Variants in PCDHGA8 observed in about 807,000 individuals in gnomAD.
The protein encoded by PCDHGA8 is protocadherin gamma subfamily A, 8.
In PCDHGA8, 45 loss-of-function variants were observed where a neutral mutation model predicts 59.2. The ratio of observed to expected loss-of-function variants is 0.76; its 90% CI spans 0.60 to 0.98. PCDHGA8 has a LOEUF of 0.98. PCDHGA8 is among the 50% of genes least tolerant of loss of function. PCDHGA8 has a pLI of 0.00. For missense variants in PCDHGA8, 1,257 were observed against 1,196.2 expected (o/e 1.05, Z -0.75); for synonymous variants, 531 against 519.0 (o/e 1.02, Z -0.32).
rs773474154 is a variant in PCDHGA8, at chr5:141,477,751, G to A, written c.2425-17056G>A. The A allele has an allele frequency of 5.0e-6, 8 of 1,613,712 alleles. No individual in the cohort carries two copies. The highest frequency in any genetic ancestry group is 6.8e-6 in the Non-Finnish European group (8 of 1,180,030). ...CTCATATCAGCGATGGGGGCACCCC[G>A]GTCCTAGCCACCAACATCAGCGTGA... On this transcript the variant is annotated intron_variant, in intron 1 of 3. Transcript: ENST00000398604. The surrounding 1 kb of genome is among the most constrained non-coding windows in gnomAD (Gnocchi z 4.9).
intron 1 of PCDHGA8, chr5:141,422,006 C>G: frequency 6.2e-7 from 1 of 1,609,754 alleles, no homozygotes; most frequent in Non-Finnish European, 8.5e-7. Flanking sequence ...AGCTCCGGAA[C>G]TCGGGTGCTG....
chr5:141,415,740 G>GTTTT lies in PCDHGA8; in HGVS notation c.2424+20532_2424+20535dup, dbSNP rs57426385. ...TGAGTAGAATTTGATGTTTATTAAG[G>GTTTT]TTTTTTTTTTTTTTTTTTTTTTTTT... On this transcript the variant is annotated intron_variant, in intron 1 of 3. Transcript: ENST00000398604. 3.9e-3 allele frequency: 2,454 copies of GTTTT among 623,032 alleles called. 15 individuals carry two copies. Among genetic ancestry groups the GTTTT allele is most frequent in the South Asian group, 7.6e-3 (262 of 34,698 alleles). 38.6% of individuals were successfully genotyped at this position (623,032 alleles called of 1,614,324 possible).
chr5:141,418,941 C>G, intron 1 of PCDHGA8: 1 of 1,614,034 alleles, frequency 6.2e-7, no homozygotes, highest in East Asian at 2.2e-5. Flanking sequence ...GAGGATTCCC[C>G]TCCAGGAGTG....
Position 141,476,500 on chromosome 5 carries a change from C to A in PCDHGA8, c.2425-18307C>A. The A allele has an allele frequency of 6.2e-7, 1 of 1,613,874 alleles. No homozygotes were observed. The highest frequency in any genetic ancestry group is 8.5e-7 in the Non-Finnish European group (1 of 1,179,950). ...GCGTGGAAGTGGTGATCCAGGACAT[C>A]AACGACAACAATCCTGCTTTCCCTA... On this transcript the variant is annotated intron_variant, in intron 1 of 3. Coordinates refer to ENST00000398604, the MANE Select transcript of PCDHGA8 (RefSeq NM_032088.2). The surrounding 1 kb of genome is among the most constrained non-coding windows in gnomAD (Gnocchi z 7.6).
Position 141,489,213 on chromosome 5 carries a change from T to G in PCDHGA8, c.2425-5594T>G, listed in dbSNP as rs372898969. 11 of 1,473,392 alleles carry G rather than the reference T, an allele frequency of 7.5e-6. No homozygotes were observed. The highest frequency in any genetic ancestry group is 6.4e-6 in the Non-Finnish European group (7 of 1,091,332). 91.3% of individuals were successfully genotyped at this position (1,473,392 alleles called of 1,614,324 possible). On this transcript the variant is annotated intron_variant, in intron 1 of 3. Coordinates refer to ENST00000398604, the MANE Select transcript of PCDHGA8 (RefSeq NM_032088.2). This position sits in a 1 kb window ranked among gnomAD's most constrained non-coding sequence, Gnocchi z 4.5. Reference sequence around the variant, plus strand: ...ACCTTGGAGACAGGACAGCACAGACTTACTCTCCACAAAGGGACTTCTGGG... The same window carrying G: ...ACCTTGGAGACAGGACAGCACAGACGTACTCTCCACAAAGGGACTTCTGGG...
rs189963623 is a variant in PCDHGA8 at position 141,393,452 on chromosome 5, G to A, written c.639G>A (p.Thr213=). ...EEEAAHHLVL[T]ASDGGKPPRS... ...AGGCTGCTCACCACCTGGTCCTCACGGCCTCGGATGGCGGCAAGCCGCCTC... is the reference window on the plus strand; with the variant it reads ...AGGCTGCTCACCACCTGGTCCTCACAGCCTCGGATGGCGGCAAGCCGCCTC... The change falls in exon 1 of 4, where the codon ACG becomes ACA. Residue 213 remains threonine (T), a synonymous_variant. Transcript: ENST00000398604. The A allele has an allele frequency of 6.2e-7, 1 of 1,614,030 alleles. No individual in the cohort carries two copies. The highest frequency in any genetic ancestry group is 8.5e-7 in the Non-Finnish European group (1 of 1,179,908).
chr5:141,402,842 A>G, intron 1 of PCDHGA8: 1 of 1,396,816 alleles, frequency 7.2e-7, no homozygotes, highest in Non-Finnish European at 9.4e-7. Flanking sequence ...AGCAAAACTC[A>G]GCCTCTTTCT....
chr5:141,437,156 G>T (rs2097864365), intron 1 of PCDHGA8, among the ~76,000 whole-genome samples: 1 of 152,172 alleles, frequency 6.6e-6, no homozygotes, highest in African/African-American at 2.4e-5. Context: ...TAACATATGT[G>T]TTGATTGTTT....
chr5:141,501,475 G>A (rs1305778190), intron 2 of PCDHGA8, among the ~76,000 whole-genome samples: 5 of 152,014 alleles, frequency 3.3e-5, no homozygotes, highest in Admixed American at 3.3e-4. Flanking sequence ...AATCCTGGAA[G>A]AGTCCCTCAT....
At chr5:141,438,629 TATATATACAC>T (rs1412065186) in intron 1 of PCDHGA8, among the ~76,000 whole-genome samples, 590 of 47,950 alleles carry the variant, frequency 0.012, no homozygotes, top group African/African-American at 0.039. Flanking sequence ...TATATATATA[TATATATACAC>T]ACACACACAC....
intron 3 of PCDHGA8, among the ~76,000 whole-genome samples, chr5:141,509,265 C>G (rs1296179995): frequency 1.3e-5 from 2 of 152,138 alleles, no homozygotes; most frequent in African/African-American, 4.8e-5. Flanking sequence ...TTTAGTCACT[C>G]TCGCTACCCG....
chr5:141,409,096 A>C, intron 1 of PCDHGA8: 1 of 1,614,074 alleles, frequency 6.2e-7, no homozygotes, highest in African/African-American at 1.3e-5. Context: ...ATGAGAAAAC[A>C]GGTATGATTA....
chr5:141,414,435 C>T lies in PCDHGA8; in HGVS notation c.2424+19198C>T, dbSNP rs891322256. 4.3e-6 allele frequency: 7 copies of T among 1,613,678 alleles called. No homozygotes were observed. In the African/African-American group the frequency reaches 8.0e-5, roughly 18 times the overall value. On this transcript the variant is annotated intron_variant, in intron 1 of 3. Coordinates refer to ENST00000398604, the MANE Select transcript of PCDHGA8 (RefSeq NM_032088.2). ...GAGCCCTTGACAGGGAACAGGTATC[C>T]TCTTACAATATCACAGTGACAGCCA...
At chr5:141,469,362 G>GT (rs1212141268) in intron 1 of PCDHGA8, among the ~76,000 whole-genome samples, 4 of 152,084 alleles carry the variant, frequency 2.6e-5, no homozygotes, top group Non-Finnish European at 5.9e-5. Flanking sequence ...GGATCATGAG[G>GT]TAAAGAGATC....
chr5:141,429,264 A>T (rs1029363907), intron 1 of PCDHGA8: 1 of 151,938 alleles, frequency 6.6e-6, no homozygotes, highest in Non-Finnish European at 1.5e-5. Flanking sequence ...TGAGGAATAA[A>T]TTTTTTTCCT....
intron 1 of PCDHGA8, among the ~76,000 whole-genome samples, chr5:141,407,684 G>C (rs2094967978): frequency 6.6e-6 from 1 of 152,094 alleles, no homozygotes; most frequent in South Asian, 2.1e-4. Flanking sequence ...GATTGGCTTT[G>C]TGGTGATCAT....
At chr5:141,460,985 ATATATATATATGTG>A (rs2099005673) in intron 1 of PCDHGA8, among the ~76,000 whole-genome samples, 1 of 91,766 alleles carries the variant, frequency 1.1e-5, no homozygotes, top group Non-Finnish European at 2.2e-5. Flanking sequence ...GTGTGTGTGT[ATATATATATATGTG>A]TATATATATA....
intron 1 of PCDHGA8, among the ~76,000 whole-genome samples, chr5:141,450,564 G>A (rs1397334260): frequency 2.0e-5 from 3 of 151,932 alleles, no homozygotes; most frequent in African/African-American, 7.3e-5. Context: ...TCGGCTCACT[G>A]CAACTTCTGC....
intron 1 of PCDHGA8, among the ~76,000 whole-genome samples, chr5:141,472,555 A>T (rs1360460094): frequency 6.6e-6 from 1 of 152,024 alleles, no homozygotes; most frequent in South Asian, 2.1e-4. Flanking sequence ...AAAAAAAATT[A>T]TATTATAAAT....
Sources: gnomAD v4.1 joint callset for allele counts (sites outside exome capture counted in the v4.1 genomes callset) on GRCh38, gnomAD v4.1.1 for gene constraint, Gnocchi (gnomAD v3.1) non-coding constraint, MANE v1.5 for transcripts, NCBI Gene and HGNC (gene_info 2026-07-23, HGNC 2026-07-21) for gene names.